CD200R1: variants seen among roughly 807,000 people sequenced by gnomAD.
The protein encoded by CD200R1 is cell surface glycoprotein CD200 receptor 1.
CD200R1 carries 30 observed loss-of-function variants against 38.1 expected under a neutral mutation model. The observed-to-expected ratio is 0.79, with a 90% CI of 0.59 to 1.07. The LOEUF (loss-of-function observed/expected upper bound fraction) is 1.07, where lower values mean the gene tolerates loss of function less well. CD200R1 is among the 50% of genes least tolerant of loss of function. CD200R1 has a pLI of 0.00. For missense variants in CD200R1, 372 were observed against 415.4 expected (o/e 0.90, Z 0.91); for synonymous variants, 128 against 152.1 (o/e 0.84, Z 1.16).
chr3:112,934,800 A>C (rs1940538034), intron 2 of CD200R1, among the ~76,000 whole-genome samples: 1 of 152,150 alleles, frequency 6.6e-6, no homozygotes, highest in African/African-American at 2.4e-5. Flanking sequence ...ATTGCACTCC[A>C]GCCTGGGTGA....
Position 112,921,696 on chromosome 3 carries a change from T to C in CD200R1, c.*1981A>G, listed in dbSNP as rs970171418. On this transcript the variant is annotated 3_prime_UTR_variant, in exon 8 of 8. Coordinates refer to ENST00000308611, the MANE Select transcript of CD200R1 (RefSeq NM_138806.4). ...GTCTAGCGTGGATTTGGAGAATATATATAATTTTTTATATCATTCTAATGT... is the reference window on the plus strand; with the variant it reads ...GTCTAGCGTGGATTTGGAGAATATACATAATTTTTTATATCATTCTAATGT... 2.0e-5 allele frequency: 3 copies of C among 152,064 alleles called. No individual in the cohort carries two copies. Among genetic ancestry groups the C allele is most frequent in the East Asian group, 1.9e-4 (1 of 5,178 alleles). 9.4% of individuals were successfully genotyped at this position (152,064 alleles called of 1,614,324 possible).
chr3:112,952,650 G>C (rs561353708), intron 1 of CD200R1, among the ~76,000 whole-genome samples: 135 of 152,068 alleles, frequency 8.9e-4, no homozygotes, highest in African/African-American at 2.9e-3. Flanking sequence ...GTGGGAGGAG[G>C]GGGGAGGGAT....
At chr3:112,973,144 T>G (rs149042834) in intron 1 of CD200R1, among the ~76,000 whole-genome samples, 1 of 152,366 alleles carries the variant, frequency 6.6e-6, no homozygotes, top group East Asian at 1.9e-4. Context: ...ATCATTTTTT[T>G]TCCTTTTCCC....
chr3:112,923,853 C>T (rs201526473), intron 7 of CD200R1, 54 bp from the exon 8 acceptor site: 5 of 1,180,904 alleles, frequency 4.2e-6, no homozygotes, highest in East Asian at 5.1e-5. Context: ...TAGAGACTAT[C>T]TGTATTTTTG....
intron 1 of CD200R1, among the ~76,000 whole-genome samples, chr3:112,965,260 T>G (rs562573164): frequency 6.6e-6 from 1 of 152,274 alleles, no homozygotes; most frequent in Non-Finnish European, 1.5e-5. Flanking sequence ...CCTTAAGATC[T>G]GAAAGAGAGT....
Position 112,964,386 on chromosome 3 carries a change from C to T in CD200R1, c.67+10405G>A, listed in dbSNP as rs146956875. ...AAGCAGCCAGGAGGGTGGCTGTACCCTGCAAAGCCACAGGGGCAGAGCTAC... is the reference window on the plus strand; with the variant it reads ...AAGCAGCCAGGAGGGTGGCTGTACCTTGCAAAGCCACAGGGGCAGAGCTAC... On this transcript the variant is annotated intron_variant, in intron 1 of 7. Coordinates refer to ENST00000308611, the MANE Select transcript of CD200R1 (RefSeq NM_138806.4). Among the ~76,000 whole-genome samples the T allele has an allele frequency of 3.7e-3, 558 of 152,334 alleles. 5 individuals carry two copies. The highest frequency in any genetic ancestry group is 0.013 in the African/African-American group (539 of 41,580).
intron 2 of CD200R1, among the ~76,000 whole-genome samples, chr3:112,947,496 A>C (rs1940890391): frequency 6.6e-6 from 1 of 152,192 alleles, no homozygotes; most frequent in South Asian, 2.1e-4. Flanking sequence ...ATGTTAATTA[A>C]AATGGCAAAC....
chr3:112,961,296 T>C (rs1205153572), intron 1 of CD200R1, among the ~76,000 whole-genome samples: 1 of 152,022 alleles, frequency 6.6e-6, no homozygotes, highest in Non-Finnish European at 1.5e-5. Context: ...ATGTCATTGA[T>C]AAATACTATT....
At chr3:112,962,021 T>C (rs1385680103) in intron 1 of CD200R1, among the ~76,000 whole-genome samples, 1 of 152,140 alleles carries the variant, frequency 6.6e-6, no homozygotes, top group Non-Finnish European at 1.5e-5. Flanking sequence ...AATTCAATAA[T>C]GAATTTGATG....
chr3:112,973,590 T>A (rs1393414259), intron 1 of CD200R1, among the ~76,000 whole-genome samples: 1 of 152,150 alleles, frequency 6.6e-6, no homozygotes, highest in Non-Finnish European at 1.5e-5. Flanking sequence ...GAAAAAAGCA[T>A]GTGAAAATTC....
chr3:112,945,411 G>T (rs1940825677), intron 2 of CD200R1, among the ~76,000 whole-genome samples: 1 of 152,062 alleles, frequency 6.6e-6, no homozygotes, highest in Non-Finnish European at 1.5e-5. Context: ...CCAGAAATAG[G>T]CTCACATAAA....
chr3:112,962,256 T>C (rs1451868862), intron 1 of CD200R1, among the ~76,000 whole-genome samples: 1 of 152,200 alleles, frequency 6.6e-6, no homozygotes, highest in Non-Finnish European at 1.5e-5. Context: ...ACATGTTCCC[T>C]AACCTAAGGC....
chr3:112,942,954 T>C (rs1940761308), intron 2 of CD200R1, among the ~76,000 whole-genome samples: 1 of 151,612 alleles, frequency 6.6e-6, no homozygotes, highest in Non-Finnish European at 1.5e-5. Flanking sequence ...TATGTGCACC[T>C]AGCAAAAGAG....
At chr3:112,951,070 GAA>G (rs1216252118) in intron 1 of CD200R1, among the ~76,000 whole-genome samples, 1 of 151,866 alleles carries the variant, frequency 6.6e-6, no homozygotes, top group Non-Finnish European at 1.5e-5. Context: ...AAAAATTAAG[GAA>G]ATCAAAAGCT....
chr3:112,973,362 G>C (rs1933356794), intron 1 of CD200R1, among the ~76,000 whole-genome samples: 1 of 152,160 alleles, frequency 6.6e-6, no homozygotes, highest in South Asian at 2.1e-4. Context: ...ATGCTCTTCA[G>C]TGAAAAGCAC....
Position 112,928,808 on chromosome 3 carries a change from T to C in CD200R1, c.769+8A>G. ...AAAATAAAAAATAAAACTAAAAGAA[T>C]TACTGACCAGGAAGTAGCTCTATGT... On this transcript the variant is annotated splice_region_variant and intron_variant, in intron 5 of 7. Coordinates refer to ENST00000308611, the MANE Select transcript of CD200R1 (RefSeq NM_138806.4). 2 of 1,584,752 alleles carry C rather than the reference T, an allele frequency of 1.3e-6. No homozygotes were observed. The highest frequency in any genetic ancestry group is 1.7e-6 in the Non-Finnish European group (2 of 1,162,778).
At chr3:112,947,995 T>C in intron 1 of CD200R1, 71 bp from the exon 2 acceptor site, 2 of 937,746 alleles carry the variant, frequency 2.1e-6, no homozygotes, top group Non-Finnish European at 1.8e-6. Flanking sequence ...CTAGTTAAAA[T>C]CATATTTTTT....
At chr3:112,930,978 A>G in intron 3 of CD200R1, 128 bp downstream of exon 3, 2 of 662,698 alleles carry the variant, frequency 3.0e-6, no homozygotes, top group Non-Finnish European at 5.5e-6. Flanking sequence ...CTCATACCAC[A>G]GTACTCAGAT....
At chr3:112,925,661 G>A (rs577368080) in intron 5 of CD200R1, among the ~76,000 whole-genome samples, 1 of 152,226 alleles carries the variant, frequency 6.6e-6, no homozygotes, top group East Asian at 1.9e-4. Context: ...TGGTGCAGGT[G>A]TAGGTGGGAG....
Sources: allele counts gnomAD v4.1 joint callset (sites outside exome capture counted in the v4.1 genomes callset), GRCh38; gene constraint gnomAD v4.1.1; transcripts MANE v1.5; gene names NCBI Gene and HGNC (gene_info 2026-07-23, HGNC 2026-07-21).